Variants in ADGRB3 observed in about 807,000 individuals in gnomAD.
ADGRB3 encodes brain-specific angiogenesis inhibitor 3.
A neutral mutation model predicts 193.4 loss-of-function variants in ADGRB3; 37 were observed. That is an observed-to-expected ratio of 0.19 (90% CI 0.15 to 0.25). The LOEUF (loss-of-function observed/expected upper bound fraction) is 0.25, where lower values mean the gene tolerates loss of function less well. Among genes scored for constraint, ADGRB3 ranks in the 10% least tolerant of loss-of-function variants. The pLI is 1.00. For synonymous variants in ADGRB3, 690 were observed against 644.2 expected (o/e 1.07, Z -1.08); for missense variants, 1,637 against 1,852.9 (o/e 0.88, Z 2.14).
At chr6:68,745,773 A>T (rs1296039130) in intron 3 of ADGRB3, among the ~76,000 whole-genome samples, 2 of 151,956 alleles carry the variant, frequency 1.3e-5, no homozygotes, top group Non-Finnish European at 2.9e-5. Flanking sequence ...CCCCACACAC[A>T]TATTTAGTTA....
rs1178816894 is a variant in ADGRB3, at chr6:68,999,272, T to C, written c.1929+5310T>C. Among the ~76,000 whole-genome samples the C allele has an allele frequency of 2.6e-5, 4 of 151,252 alleles. No individual in the cohort carries two copies. In the East Asian group the frequency reaches 7.8e-4, roughly 29 times the overall value. On this transcript the variant is annotated intron_variant, in intron 11 of 31. Coordinates refer to ENST00000370598, the MANE Select transcript of ADGRB3 (RefSeq NM_001704.3). ...TGGTATAGCTTTCCCTTTTCTTTTT[T>C]TTTTTTTTTTGAGATGGAGTCTCGC... is the stretch of plus-strand genomic sequence containing the variant.
At chr6:68,815,692 T>C (rs1348141761) in intron 3 of ADGRB3, among the ~76,000 whole-genome samples, 2 of 151,776 alleles carry the variant, frequency 1.3e-5, no homozygotes, top group South Asian at 2.1e-4. Flanking sequence ...TTTCTGAATT[T>C]TGAAACTCAG....
rs146956421 is a variant in ADGRB3, at chr6:68,737,361, CAT to C, written c.757+97930_757+97931del. Among the ~76,000 whole-genome samples the C allele has an allele frequency of 3.2e-3, 489 of 152,164 alleles. 5 individuals carry two copies. The highest frequency in any genetic ancestry group is 0.011 in the African/African-American group (477 of 41,544). ...ACTAGTGATGTTGCACATTTTTTCA[CAT>C]GTTTAAGGGATGTGTATAATTTTTC... On this transcript the variant is annotated intron_variant, in intron 3 of 31. Transcript: ENST00000370598.
chr6:68,715,825 G>C (rs1289683213), intron 3 of ADGRB3, among the ~76,000 whole-genome samples: 1 of 151,576 alleles, frequency 6.6e-6, no homozygotes, highest in East Asian at 1.9e-4. Context: ...AATAAAAAAG[G>C]AAACAATTTT....
intron 3 of ADGRB3, among the ~76,000 whole-genome samples, chr6:68,697,375 G>T (rs568352371): frequency 6.6e-6 from 1 of 151,798 alleles, no homozygotes; most frequent in Admixed American, 6.6e-5. Flanking sequence ...TAGTCTAAGT[G>T]GCAAATGAAT....
intron 3 of ADGRB3, among the ~76,000 whole-genome samples, chr6:68,810,732 A>G (rs938696459): frequency 6.6e-6 from 1 of 152,190 alleles, no homozygotes; most frequent in Admixed American, 6.5e-5. Flanking sequence ...ATGAAAAAGC[A>G]TAATTAGAAA....
intron 3 of ADGRB3, among the ~76,000 whole-genome samples, chr6:68,833,475 G>A (rs1285637081): frequency 6.6e-6 from 1 of 150,516 alleles, no homozygotes; most frequent in Non-Finnish European, 1.5e-5. Context: ...TTTGAAAATC[G>A]AATCATTGAA....
At chr6:69,206,666 T>C (rs1046536261) in intron 17 of ADGRB3, among the ~76,000 whole-genome samples, 26 of 152,148 alleles carry the variant, frequency 1.7e-4, no homozygotes, top group African/African-American at 6.3e-4. Flanking sequence ...ATAAATCTTA[T>C]GTCACATGAT....
chr6:68,657,708 CTT>C, intron 3 of ADGRB3, among the ~76,000 whole-genome samples: 1 of 151,506 alleles, frequency 6.6e-6, no homozygotes, highest in African/African-American at 2.4e-5. Context: ...TTTGTAAACA[CTT>C]TTAAAAACAC....
At chr6:68,731,384 C>T (rs767823707) in intron 3 of ADGRB3, among the ~76,000 whole-genome samples, 12 of 150,972 alleles carry the variant, frequency 7.9e-5, no homozygotes, top group Admixed American at 6.0e-4. Flanking sequence ...GTAACAGAAA[C>T]GAATACATAA....
At chr6:69,158,200 A>T (rs746021171) in intron 17 of ADGRB3, among the ~76,000 whole-genome samples, 20 of 151,728 alleles carry the variant, frequency 1.3e-4, no homozygotes, top group Non-Finnish European at 1.8e-4. Flanking sequence ...TTAGTTAGAC[A>T]TTTTTTTTAT....
intron 8 of ADGRB3, among the ~76,000 whole-genome samples, chr6:68,973,018 TA>T (rs1304063600): frequency 1.3e-5 from 2 of 152,300 alleles, no homozygotes; most frequent in Admixed American, 1.3e-4. Flanking sequence ...AATTAACTGC[TA>T]AACCCTCCAC....
chr6:68,727,451 A>C (rs945166170), intron 3 of ADGRB3, among the ~76,000 whole-genome samples: 2 of 151,654 alleles, frequency 1.3e-5, no homozygotes, highest in African/African-American at 4.8e-5. Flanking sequence ...GTGATCAATA[A>C]TAGCTTTTTC....
At chr6:68,877,896 G>C (rs994950139) in intron 3 of ADGRB3, among the ~76,000 whole-genome samples, 2 of 151,770 alleles carry the variant, frequency 1.3e-5, no homozygotes, top group African/African-American at 4.8e-5. Context: ...TAAAAAATGA[G>C]GTCAACCAAT....
intron 3 of ADGRB3, among the ~76,000 whole-genome samples, chr6:68,685,237 G>C (rs1296101321): frequency 1.3e-5 from 2 of 151,944 alleles, no homozygotes; most frequent in Admixed American, 1.3e-4. Context: ...TAAAAATGAA[G>C]ATTTTCAGGG....
chr6:69,043,766 CAGAG>C (rs1562134996), intron 13 of ADGRB3, among the ~76,000 whole-genome samples: 2 of 152,190 alleles, frequency 1.3e-5, no homozygotes, highest in African/African-American at 4.8e-5. Flanking sequence ...CATTGAGACA[CAGAG>C]AGTTTAGGCA....
Position 69,332,944 on chromosome 6 carries a change from T to G in ADGRB3, c.3124T>G (p.Leu1042Val), listed in dbSNP as rs1031555745. 1.2e-6 allele frequency: 2 copies of G among 1,613,924 alleles called. No individual in the cohort carries two copies. Among genetic ancestry groups the G allele is most frequent in the Non-Finnish European group, 1.7e-6 (2 of 1,179,886 alleles). The change falls in exon 24 of 32, where the codon TTG becomes GTG. Residue 1042 changes from leucine (L) to valine (V), a missense_variant. Around this residue, in one of 7 missense-constraint regions of ADGRB3, gnomAD observed 87 missense variants for 161.0 expected, o/e 0.54. Transcript: ENST00000370598. Reference protein sequence around the residue: ...VVLVNMVIGILVFNKLVSRDG... With the variant: ...VVLVNMVIGIVVFNKLVSRDG... ...ACAGGTCAACATGGTGATTGGCATTTTGGTATTTAATAAACTTGTTTCCAG... is the reference window on the plus strand; with the variant it reads ...ACAGGTCAACATGGTGATTGGCATTGTGGTATTTAATAAACTTGTTTCCAG...
chr6:68,673,170 A>G (rs554365235), intron 3 of ADGRB3, among the ~76,000 whole-genome samples: 1 of 152,264 alleles, frequency 6.6e-6, no homozygotes, highest in Middle Eastern at 3.4e-3. Flanking sequence ...TCGAATGGGT[A>G]TAAAAATAAC....
intron 15 of ADGRB3, among the ~76,000 whole-genome samples, chr6:69,059,370 G>A (rs1771647947): frequency 2.0e-5 from 3 of 152,048 alleles, no homozygotes; most frequent in Admixed American, 2.0e-4. Context: ...TGAGTCTGTT[G>A]TAGACAACTG....
Sources: allele counts gnomAD v4.1 joint callset (sites outside exome capture counted in the v4.1 genomes callset), GRCh38; gene constraint gnomAD v4.1.1; regional missense constraint gnomAD v4.1.1; transcripts MANE v1.5; gene names NCBI Gene and HGNC (gene_info 2026-07-23, HGNC 2026-07-21).